PRMT3: variants seen among roughly 807,000 people sequenced by gnomAD.
PRMT3 encodes the protein protein arginine methyltransferase 3, also known as protein arginine N-methyltransferase 3.
Under a neutral mutation model 71.9 loss-of-function variants are expected in PRMT3, and 62 were observed. The ratio of observed to expected loss-of-function variants is 0.86; its 90% CI spans 0.70 to 1.07. The LOEUF (loss-of-function observed/expected upper bound fraction) is 1.07. Among genes scored for constraint, PRMT3 ranks in the 50% least tolerant of loss-of-function variants. PRMT3 has a pLI of 0.00. For missense variants in PRMT3, 663 were observed against 643.0 expected (o/e 1.03, Z -0.34); for synonymous variants, 213 against 220.4 (o/e 0.97, Z 0.30).
At chr11:20,493,438 T>G (rs1851257388) in intron 13 of PRMT3, among the ~76,000 whole-genome samples, 1 of 152,206 alleles carries the variant, frequency 6.6e-6, no homozygotes, top group African/African-American at 2.4e-5. Context: ...CATTTTTATC[T>G]GTTTGTTTCC....
chr11:20,398,756 G>C (rs1848886962), intron 7 of PRMT3, among the ~76,000 whole-genome samples: 1 of 152,184 alleles, frequency 6.6e-6, no homozygotes, highest in South Asian at 2.1e-4. Context: ...ACAGTGACAT[G>C]CTGTACAGGT....
At chr11:20,461,528 AATATG>A (rs1850382841) in intron 11 of PRMT3, among the ~76,000 whole-genome samples, 1 of 152,236 alleles carries the variant, frequency 6.6e-6, no homozygotes, top group Non-Finnish European at 1.5e-5. Flanking sequence ...AAATGAGAGT[AATATG>A]AAGTGGTCTT....
chr11:20,502,842 G>A (rs966382969), intron 15 of PRMT3, among the ~76,000 whole-genome samples: 1 of 151,722 alleles, frequency 6.6e-6, no homozygotes, highest in Non-Finnish European at 1.5e-5. Context: ...ATGCTTCAAT[G>A]AGAAAAGAAG....
chr11:20,469,347 T>C (rs144950652), intron 13 of PRMT3, among the ~76,000 whole-genome samples: 1 of 152,268 alleles, frequency 6.6e-6, no homozygotes, highest in Non-Finnish European at 1.5e-5. Flanking sequence ...TTACTCTGTA[T>C]GCCAAGTGGC....
At chr11:20,501,738 C>T (rs1018249032) in intron 15 of PRMT3, among the ~76,000 whole-genome samples, 19 of 152,118 alleles carry the variant, frequency 1.2e-4, no homozygotes, top group Admixed American at 1.0e-3. Flanking sequence ...AGTTTGAATT[C>T]AGGGTGGGTT....
chr11:20,427,108 C>T (rs567369151), intron 10 of PRMT3, among the ~76,000 whole-genome samples: 28 of 152,140 alleles, frequency 1.8e-4, no homozygotes, highest in Middle Eastern at 3.4e-3. Context: ...GATAAATTAT[C>T]TTTTTTATCT....
At chr11:20,413,802 C>T (rs1358186581) in intron 9 of PRMT3, among the ~76,000 whole-genome samples, 3 of 152,148 alleles carry the variant, frequency 2.0e-5, no homozygotes, top group Non-Finnish European at 2.9e-5. Flanking sequence ...CTTAACTTCT[C>T]TGATACTTGT....
chr11:20,453,890 C>T (rs974783279), intron 11 of PRMT3, among the ~76,000 whole-genome samples: 2 of 152,060 alleles, frequency 1.3e-5, no homozygotes, highest in African/African-American at 4.8e-5. Context: ...TCTGAAATGT[C>T]GCAGTGAGCA....
chr11:20,504,699 TGTGTGTGTGAGAGAGA>T (rs2133707833), intron 15 of PRMT3, among the ~76,000 whole-genome samples: 1 of 127,068 alleles, frequency 7.9e-6, no homozygotes, highest in Non-Finnish European at 1.6e-5. Context: ...TGTGTGTGTG[TGTGTGTGTGAGAGAGA>T]GAGAGAGAGA....
chr11:20,462,629 A>G (rs1044264610), intron 12 of PRMT3, among the ~76,000 whole-genome samples: 3 of 152,148 alleles, frequency 2.0e-5, no homozygotes, highest in Non-Finnish European at 4.4e-5. Flanking sequence ...TTTGCCCATG[A>G]AACGAAAGCC....
chr11:20,433,955 A>G (rs7122192), intron 10 of PRMT3, among the ~76,000 whole-genome samples: 124,663 of 152,058 alleles, frequency 0.82, 53,030 homozygotes, highest in Non-Finnish European at 0.95. Context: ...AGGAATTACC[A>G]TACTGCTTTC....
intron 10 of PRMT3, among the ~76,000 whole-genome samples, chr11:20,438,872 C>T (rs1463731403): frequency 6.6e-6 from 1 of 152,172 alleles, no homozygotes; most frequent in East Asian, 1.9e-4. Context: ...ACTCTTTTCC[C>T]AGGAGGCAGC....
chr11:20,399,005 A>G (rs80205157), intron 7 of PRMT3, among the ~76,000 whole-genome samples: 4,364 of 152,342 alleles, frequency 0.029, 212 homozygotes, highest in African/African-American at 0.098. Flanking sequence ...TATACATTTT[A>G]TTAAGTATTA....
chr11:20,487,564 G>A (rs1228054758), intron 13 of PRMT3, among the ~76,000 whole-genome samples: 1 of 152,166 alleles, frequency 6.6e-6, no homozygotes, highest in Non-Finnish European at 1.5e-5. Flanking sequence ...CTACTAGGGT[G>A]CTGAGATGTT....
rs1306796623 is a variant in PRMT3 at position 20,493,923 on chromosome 11, T to C, written c.1352T>C (p.Ile451Thr). The C allele has an allele frequency of 1.3e-6, 2 of 1,583,566 alleles. No individual in the cohort carries two copies. Among genetic ancestry groups the C allele is most frequent in the Admixed American group, 3.4e-5 (2 of 58,116 alleles). Reference protein sequence around the residue: ...KITRTSMCTAIAGYFDIYFEK... With the variant: ...KITRTSMCTATAGYFDIYFEK... The stretch of plus-strand genomic sequence containing the variant: ...ATTTCTTTTTTTAAAAAACAGGCAA[T>C]TGCTGGCTACTTTGATATATATTTT... The change falls in exon 14 of 16, where the codon ATT (isoleucine) becomes ACT (threonine). Residue 451 changes from isoleucine to threonine, a missense_variant. Physicochemically the swap from Ile to Thr is moderately conservative, Grantham distance 89. Transcript: ENST00000331079.
At chr11:20,505,035 T>C (rs1255681870) in intron 15 of PRMT3, among the ~76,000 whole-genome samples, 1 of 152,212 alleles carries the variant, frequency 6.6e-6, no homozygotes, top group Non-Finnish European at 1.5e-5. Context: ...ACCCAGCCTT[T>C]ATGCTTTTTT....
chr11:20,458,116 T>C (rs953593605), intron 11 of PRMT3, among the ~76,000 whole-genome samples: 2 of 152,192 alleles, frequency 1.3e-5, no homozygotes, highest in African/African-American at 4.8e-5. Flanking sequence ...TTTTCTTTTA[T>C]GCATATCAAG....
intron 15 of PRMT3, among the ~76,000 whole-genome samples, chr11:20,504,747 C>CGAGA (rs1260559397): frequency 1.3e-3 from 145 of 111,108 alleles, no homozygotes; most frequent in African/African-American, 4.6e-3. Flanking sequence ...AGAGAGAGAG[C>CGAGA]GAGAGCGACT....
intron 9 of PRMT3, among the ~76,000 whole-genome samples, chr11:20,416,139 C>T (rs554426471): frequency 6.6e-6 from 1 of 152,246 alleles, no homozygotes; most frequent in Non-Finnish European, 1.5e-5. Flanking sequence ...TTAACTGGAC[C>T]AGTTGTTTGT....
Sources: allele counts gnomAD v4.1 joint callset (sites outside exome capture counted in the v4.1 genomes callset), GRCh38; gene constraint gnomAD v4.1.1; transcripts MANE v1.5; gene names NCBI Gene and HGNC (gene_info 2026-07-23, HGNC 2026-07-21).